NSMCE2: variants seen among roughly 807,000 people sequenced by gnomAD.
The protein encoded by NSMCE2 is NSE2 SUMO ligase component of SMC5/6 complex, also known as E3 SUMO-protein ligase NSE2.
In NSMCE2, 24 loss-of-function variants were observed where a neutral mutation model predicts 23.8. The ratio of observed to expected loss-of-function variants is 1.01; its 90% CI spans 0.73 to 1.42. NSMCE2 has a LOEUF of 1.42. NSMCE2 is among the 40% of genes most tolerant of loss of function. The pLI, the probability that NSMCE2 is intolerant of heterozygous loss-of-function variation, is 0.00. For synonymous variants in NSMCE2, 92 were observed against 94.1 expected (o/e 0.98, Z 0.13); for missense variants, 284 against 296.5 (o/e 0.96, Z 0.31).
At chr8:125,330,396 G>A (rs545720860) in intron 5 of NSMCE2, among the ~76,000 whole-genome samples, 1 of 151,986 alleles carries the variant, frequency 6.6e-6, no homozygotes, top group Non-Finnish European at 1.5e-5. Context: ...GGCTGGTCTC[G>A]AACTCCTGAC....
intron 5 of NSMCE2, among the ~76,000 whole-genome samples, chr8:125,331,224 C>T (rs1354048806): frequency 1.3e-5 from 2 of 152,080 alleles, no homozygotes; most frequent in Non-Finnish European, 2.9e-5. Context: ...GGCGTGAACC[C>T]GGGAGGCGGA....
At chr8:125,100,666 A>G (rs978624322) in intron 1 of NSMCE2, among the ~76,000 whole-genome samples, 2 of 152,050 alleles carry the variant, frequency 1.3e-5, no homozygotes, top group South Asian at 2.1e-4. Context: ...GGTTCAAACA[A>G]TTCTCCTGCC....
At chr8:125,320,976 G>A (rs1829428414) in intron 5 of NSMCE2, among the ~76,000 whole-genome samples, 1 of 152,172 alleles carries the variant, frequency 6.6e-6, no homozygotes, top group Admixed American at 6.5e-5. Flanking sequence ...GCCAGAGCAG[G>A]AGGAAGAGAG....
At chr8:125,277,720 T>C (rs901748527) in intron 5 of NSMCE2, among the ~76,000 whole-genome samples, 4 of 152,164 alleles carry the variant, frequency 2.6e-5, no homozygotes, top group South Asian at 2.1e-4. Flanking sequence ...TTCACTGTGT[T>C]AGCCAGGATG....
At chr8:125,285,808 G>A (rs1586720033) in intron 5 of NSMCE2, among the ~76,000 whole-genome samples, 1 of 151,246 alleles carries the variant, frequency 6.6e-6, no homozygotes, top group Admixed American at 6.6e-5. Context: ...GTATTTAATC[G>A]TTACAGCATT....
chr8:125,222,874 G>A (rs1320408727), intron 5 of NSMCE2, among the ~76,000 whole-genome samples: 1 of 151,960 alleles, frequency 6.6e-6, no homozygotes, highest in African/African-American at 2.4e-5. Flanking sequence ...ACCAGCCTAG[G>A]CAACACGGCA....
intron 4 of NSMCE2, among the ~76,000 whole-genome samples, chr8:125,159,523 A>G (rs1425472730): frequency 6.6e-6 from 1 of 152,216 alleles, no homozygotes; most frequent in African/African-American, 2.4e-5. Context: ...GTAGTAGGCT[A>G]TTCCATCTAG....
chr8:125,350,877 A>G (rs897524493), intron 5 of NSMCE2, among the ~76,000 whole-genome samples: 4 of 152,176 alleles, frequency 2.6e-5, no homozygotes, highest in Non-Finnish European at 4.4e-5. Flanking sequence ...AGGCCACTGC[A>G]AGAGGCAGAC....
intron 5 of NSMCE2, among the ~76,000 whole-genome samples, chr8:125,306,625 A>G (rs1390866662): frequency 6.6e-6 from 1 of 152,192 alleles, no homozygotes; most frequent in Admixed American, 6.5e-5. Context: ...TTTCTTTTCC[A>G]CTGACCATCA....
intron 5 of NSMCE2, among the ~76,000 whole-genome samples, chr8:125,292,110 A>T (rs549088088): frequency 6.3e-4 from 96 of 152,114 alleles, no homozygotes; most frequent in African/African-American, 2.2e-3. Flanking sequence ...ACCTACCTAC[A>T]AGGAGGGCTG....
chr8:125,340,209 G>A (rs1003771258), intron 5 of NSMCE2, among the ~76,000 whole-genome samples: 1 of 151,646 alleles, frequency 6.6e-6, no homozygotes, highest in African/African-American at 2.4e-5. Flanking sequence ...TAGTAGAGAC[G>A]GGGTTTCACC....
rs1219522638 is a variant in NSMCE2, at chr8:125,326,256, C to CA, written c.419-30955dup. ...TGGGCAAAAGAGTGAGACTCCATCT[C>CA]AAAAAAAATTAAAATAAATAATAAA... On this transcript the variant is annotated intron_variant, in intron 5 of 7. Coordinates refer to ENST00000287437, the MANE Select transcript of NSMCE2 (RefSeq NM_173685.4). Among the ~76,000 whole-genome samples the CA allele has an allele frequency of 1.1e-4, 17 of 151,286 alleles. 1 individual carries two copies. The South Asian group carries it at 2.7e-3, about 24-fold the overall frequency.
At chr8:125,292,872 CCT>C (rs1302037307) in intron 5 of NSMCE2, among the ~76,000 whole-genome samples, 1 of 152,200 alleles carries the variant, frequency 6.6e-6, no homozygotes, top group Non-Finnish European at 1.5e-5. Context: ...ATAATCATCT[CCT>C]CTAGGAGTGT....
intron 3 of NSMCE2, among the ~76,000 whole-genome samples, chr8:125,122,999 G>C (rs1211587632): frequency 1.3e-5 from 2 of 152,150 alleles, no homozygotes; most frequent in Non-Finnish European, 2.9e-5. Context: ...GTCTAGAGAA[G>C]TTTGATAGTT....
intron 5 of NSMCE2, among the ~76,000 whole-genome samples, chr8:125,239,969 G>C (rs775086738): frequency 5.3e-5 from 8 of 152,080 alleles, no homozygotes; most frequent in Non-Finnish European, 8.8e-5. Flanking sequence ...GCTCATTGCT[G>C]AGGCCACTGT....
intron 5 of NSMCE2, among the ~76,000 whole-genome samples, chr8:125,311,806 C>T (rs962031426): frequency 2.6e-5 from 4 of 152,070 alleles, no homozygotes; most frequent in Non-Finnish European, 2.9e-5. Flanking sequence ...TGGCCAGGCA[C>T]GGTGGCTCAC....
At chr8:125,221,579 G>A (rs1013426022) in intron 5 of NSMCE2, among the ~76,000 whole-genome samples, 1 of 152,162 alleles carries the variant, frequency 6.6e-6, no homozygotes, top group Non-Finnish European at 1.5e-5. Flanking sequence ...TATAGGTTGC[G>A]TATCACTTAC....
At position 125,102,382 on chromosome 8, in the gene NSMCE2, A is replaced by G; in HGVS notation, c.52A>G (p.Ser18Gly). 6.2e-7 allele frequency: 1 copy of G among 1,613,508 alleles called. No individual in the cohort carries two copies. The highest frequency in any genetic ancestry group is 8.5e-7 in the Non-Finnish European group (1 of 1,179,444). Residue 18 changes from serine to glycine, a missense_variant, in exon 3 of 8, where the codon AGT becomes GGT. Transcript: ENST00000287437. Reference protein sequence around the residue: ...NSGSTGFISFSGVESALSSLK... With the variant: ...NSGSTGFISFGGVESALSSLK... ...AGGTTCAACTGGTTTCATCTCCTTCAGTGGTGTAGAGTCTGCTCTCTCCTC... is the reference window on the plus strand; with the variant it reads ...AGGTTCAACTGGTTTCATCTCCTTCGGTGGTGTAGAGTCTGCTCTCTCCTC...
intron 4 of NSMCE2, among the ~76,000 whole-genome samples, chr8:125,154,924 A>T (rs1191919884): frequency 6.6e-6 from 1 of 152,216 alleles, no homozygotes; most frequent in African/African-American, 2.4e-5. Context: ...AAGAGACACT[A>T]TTGGCTGGCT....
Sources: gnomAD v4.1 joint callset for allele counts (sites outside exome capture counted in the v4.1 genomes callset) on GRCh38, gnomAD v4.1.1 for gene constraint, MANE v1.5 for transcripts, NCBI Gene and HGNC (gene_info 2026-07-23, HGNC 2026-07-21) for gene names.